WWOX: variants seen among roughly 807,000 people sequenced by gnomAD.
The protein encoded by WWOX is WW domain containing oxidoreductase, also known as WW domain-containing oxidoreductase.
A neutral mutation model predicts 46.2 loss-of-function variants in WWOX; 69 were observed. The ratio of observed to expected loss-of-function variants is 1.49; its 90% confidence interval spans 1.23 to 1.82. WWOX has a LOEUF of 1.82. Ranked by LOEUF, WWOX falls within the 40% of genes most tolerant of loss-of-function variation. The probability of loss-of-function intolerance (pLI) is 0.00; values close to 1 mark genes in which losing one functional copy is unlikely to be tolerated. For synonymous variants in WWOX, 359 were observed against 202.6 expected (o/e 1.77, Z -6.56); for missense variants, 919 against 542.6 (o/e 1.69, Z -6.89).
intron 8 of WWOX, among the ~76,000 whole-genome samples, chr16:78,979,883 C>G (rs1376959094): frequency 2.6e-5 from 4 of 152,274 alleles, no homozygotes; most frequent in Non-Finnish European, 4.4e-5. Context: ...AATCCCATTA[C>G]TTTGGGAGGC....
At chr16:78,781,784 TAGTC>T (rs1445035473) in intron 8 of WWOX, among the ~76,000 whole-genome samples, 1 of 152,102 alleles carries the variant, frequency 6.6e-6, no homozygotes, top group Non-Finnish European at 1.5e-5. Flanking sequence ...CAAATAAAAT[TAGTC>T]AGTCAAAGAC....
At chr16:78,716,665 G>C (rs1034278407) in intron 8 of WWOX, among the ~76,000 whole-genome samples, 4 of 151,758 alleles carry the variant, frequency 2.6e-5, no homozygotes, top group African/African-American at 9.7e-5. Flanking sequence ...CTGCTCCTTG[G>C]GTGACATCAC....
intron 8 of WWOX, among the ~76,000 whole-genome samples, chr16:78,877,771 T>C (rs1474664923): frequency 1.3e-5 from 2 of 152,200 alleles, no homozygotes; most frequent in East Asian, 3.9e-4. Flanking sequence ...ACAATATTTA[T>C]TGGAGGAATG....
intron 5 of WWOX, among the ~76,000 whole-genome samples, chr16:78,287,034 A>T (rs528395492): frequency 7.9e-5 from 12 of 152,292 alleles, no homozygotes; most frequent in Admixed American, 7.2e-4. Context: ...TTTTTCTCCA[A>T]TACCTGGGAG....
At chr16:78,772,419 CT>C (rs926669275) in intron 8 of WWOX, among the ~76,000 whole-genome samples, 2 of 151,420 alleles carry the variant, frequency 1.3e-5, no homozygotes, top group African/African-American at 2.4e-5. Context: ...ATATTCACTA[CT>C]TTTTTTTTAA....
intron 8 of WWOX, among the ~76,000 whole-genome samples, chr16:78,745,857 G>C (rs750665067): frequency 6.0e-5 from 9 of 150,768 alleles, no homozygotes; most frequent in Non-Finnish European, 1.3e-4. Flanking sequence ...AGATCATCTA[G>C]TTTGGAAAAA....
chr16:79,090,604 C>T (rs778062897), intron 8 of WWOX, among the ~76,000 whole-genome samples: 1 of 152,114 alleles, frequency 6.6e-6, no homozygotes. Context: ...CTGTATGGCT[C>T]TAGACAGGGT....
At chr16:78,917,200 G>A (rs2045272057) in intron 8 of WWOX, among the ~76,000 whole-genome samples, 1 of 152,168 alleles carries the variant, frequency 6.6e-6, no homozygotes, top group Admixed American at 6.5e-5. Flanking sequence ...CAAGTCTTGG[G>A]TCACATGATC....
At chr16:78,900,358 A>T (rs1336321536) in intron 8 of WWOX, among the ~76,000 whole-genome samples, 2 of 152,156 alleles carry the variant, frequency 1.3e-5, no homozygotes, top group Non-Finnish European at 2.9e-5. Context: ...TCAAGTATGC[A>T]CGCTCATATT....
At chr16:78,579,992 T>G (rs910752866) in intron 8 of WWOX, among the ~76,000 whole-genome samples, 2 of 152,176 alleles carry the variant, frequency 1.3e-5, no homozygotes, top group Non-Finnish European at 2.9e-5. Context: ...TTAAGGCGCT[T>G]GCTCTTCTTT....
At chr16:78,192,265 C>T (rs1054523522) in intron 5 of WWOX, among the ~76,000 whole-genome samples, 2 of 152,026 alleles carry the variant, frequency 1.3e-5, no homozygotes, top group Non-Finnish European at 2.9e-5. Context: ...GATGCTGACG[C>T]GGGTGGATCA....
At chr16:78,269,913 A>T (rs995739587) in intron 5 of WWOX, among the ~76,000 whole-genome samples, 11 of 95,570 alleles carry the variant, frequency 1.2e-4, no homozygotes, top group Non-Finnish European at 2.1e-5. Flanking sequence ...TACATAAGGA[A>T]GTTTTTTTTT....
intron 6 of WWOX, 46 bp downstream of exon 6, chr16:78,386,994 G>A: frequency 1.3e-6 from 2 of 1,568,336 alleles, no homozygotes; most frequent in Non-Finnish European, 1.8e-6. Flanking sequence ...TCTTGCTATT[G>A]TAATATCTTT....
chr16:79,009,487 A>T (rs1334165940), intron 8 of WWOX, among the ~76,000 whole-genome samples: 1 of 150,014 alleles, frequency 6.7e-6, no homozygotes, highest in African/African-American at 2.5e-5. Context: ...TTTTTTTTTT[A>T]GATGGACTTT....
Position 78,346,923 on chromosome 16 carries a change from A to G in WWOX, c.517-39937A>G, listed in dbSNP as rs979100361. On this transcript the variant is annotated intron_variant, in intron 5 of 8. Coordinates refer to ENST00000566780, the MANE Select transcript of WWOX (RefSeq NM_016373.4). Reference sequence around the variant, plus strand: ...ATTTTTTTAGCAGAGACAGGGTTTCACCATGTTGACCAGGCTGGTTTCAAC... The same window carrying G: ...ATTTTTTTAGCAGAGACAGGGTTTCGCCATGTTGACCAGGCTGGTTTCAAC... Among the ~76,000 whole-genome samples, 5 of 117,940 alleles carry G rather than the reference A, an allele frequency of 4.2e-5. 1 individual carries two copies. Among genetic ancestry groups the G allele is most frequent in the Non-Finnish European group, 1.0e-4 (5 of 49,590 alleles). The allele number at this position is 117,940 out of a possible 152,430, so 77.4% of individuals were successfully genotyped here.
At chr16:79,174,931 A>G (rs2050770722) in intron 8 of WWOX, among the ~76,000 whole-genome samples, 1 of 152,186 alleles carries the variant, frequency 6.6e-6, no homozygotes, top group Non-Finnish European at 1.5e-5. Context: ...ATCTAATATT[A>G]GCAGTAACCC....
intron 5 of WWOX, among the ~76,000 whole-genome samples, chr16:78,239,931 G>T (rs1291258693): frequency 1.3e-5 from 2 of 152,124 alleles, no homozygotes; most frequent in Non-Finnish European, 2.9e-5. Flanking sequence ...AAAGTCCATG[G>T]TGACGATGCC....
intron 8 of WWOX, among the ~76,000 whole-genome samples, chr16:79,041,611 A>T (rs2047972995): frequency 6.6e-6 from 1 of 152,258 alleles, no homozygotes; most frequent in East Asian, 1.9e-4. Flanking sequence ...CGGGATCAGA[A>T]TTCCAAGTGA....
intron 8 of WWOX, among the ~76,000 whole-genome samples, chr16:78,517,642 C>T (rs924264554): frequency 2.8e-4 from 42 of 152,162 alleles, no homozygotes; most frequent in Non-Finnish European, 4.1e-4. Flanking sequence ...AAGTCCTCAG[C>T]GCTCCCCGCA....
Sources: gnomAD v4.1 joint callset for allele counts (sites outside exome capture counted in the v4.1 genomes callset) on GRCh38, gnomAD v4.1.1 for gene constraint, MANE v1.5 for transcripts, NCBI Gene and HGNC (gene_info 2026-07-23, HGNC 2026-07-21) for gene names.